Variants in NAV3 observed in about 807,000 individuals in gnomAD.
NAV3 encodes the protein neuron navigator 3.
NAV3 carries 87 observed loss-of-function variants against 244.7 expected under a neutral mutation model. The ratio of observed to expected loss-of-function variants is 0.36; its 90% CI spans 0.30 to 0.42. The LOEUF (loss-of-function observed/expected upper bound fraction) is 0.42. NAV3 is among the 20% of genes least tolerant of loss of function. NAV3 has a pLI of 1.00. For missense variants in NAV3, 2,663 were observed against 2,893.3 expected, an observed-to-expected ratio of 0.92 and a Z score of 1.83; for synonymous variants, 1,126 against 1,042.2, an observed-to-expected ratio of 1.08 and a Z score of -1.55.
At chr12:78,113,284 G>T (rs1955196215) in intron 12 of NAV3, among the ~76,000 whole-genome samples, 2 of 152,204 alleles carry the variant, frequency 1.3e-5, no homozygotes, top group Non-Finnish European at 2.9e-5. Flanking sequence ...TCATCTCACA[G>T]ATCCACTAGG....
chr12:77,747,943 A>C (rs1166848598), intron 2 of NAV3, among the ~76,000 whole-genome samples: 1 of 152,152 alleles, frequency 6.6e-6, no homozygotes, highest in Non-Finnish European at 1.5e-5. Flanking sequence ...ACATGACGAG[A>C]TAATGGGTGC....
chr12:77,655,631 A>G (rs1704921663), intron 2 of NAV3, among the ~76,000 whole-genome samples: 1 of 152,130 alleles, frequency 6.6e-6, no homozygotes, highest in South Asian at 2.1e-4. Flanking sequence ...CCTCGAGAAG[A>G]GCAACTCCAA....
intron 1 of NAV3, among the ~76,000 whole-genome samples, chr12:77,868,328 C>T (rs1226561566): frequency 2.6e-5 from 4 of 151,876 alleles, no homozygotes; most frequent in South Asian, 2.1e-4. Context: ...AATATAATAA[C>T]GTATGTTATT....
intron 3 of NAV3, among the ~76,000 whole-genome samples, chr12:77,964,814 C>T (rs1269284150): frequency 2.0e-5 from 3 of 151,306 alleles, no homozygotes; most frequent in Admixed American, 6.6e-5. Flanking sequence ...TTTTTTTCCT[C>T]AAAATAAATG....
chr12:77,928,568 C>A (rs1888465162), intron 1 of NAV3, among the ~76,000 whole-genome samples: 1 of 152,142 alleles, frequency 6.6e-6, no homozygotes, highest in Non-Finnish European at 1.5e-5. Context: ...AAGCACAGTA[C>A]TGCTCAATAA....
chr12:78,009,529 TGTG>T (rs1308122299), intron 8 of NAV3, among the ~76,000 whole-genome samples: 4 of 151,656 alleles, frequency 2.6e-5, no homozygotes, highest in African/African-American at 4.8e-5. Context: ...AACAGCATCT[TGTG>T]GTGGTGGTTG....
rs565924907 is a variant in NAV3, at chr12:77,860,915, A to G, written c.243+29211A>G. Among the ~76,000 whole-genome samples, 25 of 152,016 alleles carry G rather than the reference A, an allele frequency of 1.6e-4. No homozygotes were observed. In the South Asian group the frequency reaches 3.1e-3, roughly 19 times the overall value. On this transcript the variant is annotated intron_variant, in intron 1 of 39. Transcript: ENST00000397909. The stretch of plus-strand genomic sequence containing the variant: ...TTCATAGAGTGGGCAGACTTGATCA[A>G]TTTGGCCTGAATTACTTGGCTGTAC...
chr12:78,098,306 T>C (rs1954363091), intron 12 of NAV3, among the ~76,000 whole-genome samples: 1 of 152,050 alleles, frequency 6.6e-6, no homozygotes, highest in Non-Finnish European at 1.5e-5. Context: ...TGTACACATT[T>C]TAAGTTGTAG....
At chr12:77,764,306 C>G (rs957137925) in intron 2 of NAV3, among the ~76,000 whole-genome samples, 2 of 152,090 alleles carry the variant, frequency 1.3e-5, no homozygotes, top group East Asian at 3.9e-4. Context: ...ATAAAATCAC[C>G]CTGCTTGCCA....
chr12:78,049,989 C>G lies in NAV3; in HGVS notation c.2024-4C>G, dbSNP rs1882492638. 2 of 1,596,840 alleles carry G rather than the reference C, an allele frequency of 1.3e-6. No individual in the cohort carries two copies. The highest frequency in any genetic ancestry group is 1.8e-5 in the Admixed American group (1 of 56,182). Reference sequence around the variant, plus strand: ...ATAGCAAATTTATCATATTGCTTTCCTAGGTGAAGACCCTGAAACAAGAAG... The same window carrying G: ...ATAGCAAATTTATCATATTGCTTTCGTAGGTGAAGACCCTGAAACAAGAAG... On this transcript the variant is annotated splice_region_variant and splice_polypyrimidine_tract_variant and intron_variant, in intron 9 of 39. Coordinates refer to ENST00000397909, the MANE Select transcript of NAV3 (RefSeq NM_001024383.2).
intron 1 of NAV3, 58 bp downstream of exon 1, chr12:77,831,762 G>C (rs2136082226): frequency 6.5e-7 from 1 of 1,527,892 alleles, no homozygotes; most frequent in Non-Finnish European, 8.8e-7. Context: ...TTCTCTTTAA[G>C]TGCACTATAA....
At chr12:77,857,905 T>G (rs7303145) in intron 1 of NAV3, among the ~76,000 whole-genome samples, 63,511 of 151,754 alleles carry the variant, frequency 0.42, 14,345 homozygotes, top group Non-Finnish European at 0.5. Flanking sequence ...TATTGTTTTG[T>G]TTGCATATTT....
intron 24 of NAV3, among the ~76,000 whole-genome samples, chr12:78,169,369 CG>C (rs1283968112): frequency 6.6e-6 from 1 of 151,614 alleles, no homozygotes; most frequent in Non-Finnish European, 1.5e-5. Flanking sequence ...ATAAAAACAA[CG>C]GGTGAAAGGT....
intron 2 of NAV3, among the ~76,000 whole-genome samples, chr12:77,612,677 A>G (rs1234253916): frequency 6.6e-6 from 1 of 152,122 alleles, no homozygotes; most frequent in Non-Finnish European, 1.5e-5. Flanking sequence ...ATTTTATAGA[A>G]TTACAATTTT....
At chr12:77,903,978 TAA>T (rs1885640851) in intron 1 of NAV3, among the ~76,000 whole-genome samples, 1 of 152,042 alleles carries the variant, frequency 6.6e-6, no homozygotes, top group African/African-American at 2.4e-5. Context: ...TGGCGATCAT[TAA>T]AAAGTCAGGA....
intron 12 of NAV3, among the ~76,000 whole-genome samples, chr12:78,059,776 T>C (rs1382039320): frequency 6.6e-6 from 1 of 152,108 alleles, no homozygotes; most frequent in East Asian, 1.9e-4. Flanking sequence ...GAAACTCTGG[T>C]TAATAAGTTT....
At chr12:77,717,075 G>A (rs1378810061) in intron 2 of NAV3, among the ~76,000 whole-genome samples, 1 of 152,006 alleles carries the variant, frequency 6.6e-6, no homozygotes, top group Non-Finnish European at 1.5e-5. Context: ...AGGTGTATGT[G>A]GAGAATTATC....
chr12:77,799,945 G>T (rs1356939), intron 2 of NAV3, among the ~76,000 whole-genome samples: 148,188 of 152,264 alleles, frequency 0.97, 72,261 homozygotes, highest in East Asian at 1. Flanking sequence ...TCAACAGTAA[G>T]TTCAGTGAAT....
intron 9 of NAV3, among the ~76,000 whole-genome samples, chr12:78,039,885 C>T (rs188455448): frequency 6.6e-6 from 1 of 152,062 alleles, no homozygotes; most frequent in Admixed American, 6.5e-5. Flanking sequence ...GTGTGGAAGC[C>T]ATTCCATTGT....
Sources: allele counts gnomAD v4.1 joint callset (sites outside exome capture counted in the v4.1 genomes callset), GRCh38; gene constraint gnomAD v4.1.1; transcripts MANE v1.5; gene names NCBI Gene and HGNC (gene_info 2026-07-23, HGNC 2026-07-21).